ACAD11: variants seen among roughly 807,000 people sequenced by gnomAD.
ACAD11 encodes the protein acyl-Coenzyme A dehydrogenase family, member 11.
ACAD11 carries 83 observed loss-of-function variants against 102.2 expected under a neutral mutation model. The ratio of observed to expected loss-of-function variants is 0.81; its 90% CI spans 0.68 to 0.97. The LOEUF (loss-of-function observed/expected upper bound fraction) is 0.97. Among genes scored for constraint, ACAD11 ranks in the 50% least tolerant of loss-of-function variants. The pLI is 0.00. For missense variants in ACAD11, 901 were observed against 951.7 expected (o/e 0.95, Z 0.70); for synonymous variants, 324 against 319.8 (o/e 1.01, Z -0.14).
At chr3:132,611,473 C>A (rs1425768617) in intron 11 of ACAD11, among the ~76,000 whole-genome samples, 4 of 152,108 alleles carry the variant, frequency 2.6e-5, no homozygotes, top group Non-Finnish European at 5.9e-5. Context: ...ATCTAGAAAA[C>A]CCCATCGTCT....
chr3:132,561,057 G>A (rs1937038649), intron 18 of ACAD11, 44 bp downstream of exon 18: 1 of 1,467,970 alleles, frequency 6.8e-7, no homozygotes, highest in African/African-American at 1.4e-5. Context: ...GAGAACTGGA[G>A]AAGGCTCAGC....
At chr3:132,578,166 C>G (rs963993735) in intron 15 of ACAD11, among the ~76,000 whole-genome samples, 1 of 152,098 alleles carries the variant, frequency 6.6e-6, no homozygotes, top group Admixed American at 6.6e-5. Context: ...CGAGACCAGC[C>G]TGGCCAACAT....
In ACAD11 at chr3:132,579,475, CAG is replaced by C. The variant is rs1183563679; in HGVS notation, c.1688+15_1688+16del. ...CTCATTCCTACACAGGTTTCTCAAT[CAG>C]AATTGTTTAATTACCTGGAGAGAGA... On this transcript the variant is annotated intron_variant, in intron 14 of 19. Transcript: ENST00000264990. 1 of 1,604,856 alleles carries C rather than the reference CAG, an allele frequency of 6.2e-7. No individual in the cohort carries two copies. Among genetic ancestry groups the C allele is most frequent in the East Asian group, 2.2e-5 (1 of 44,642 alleles).
chr3:132,630,623 T>TG, intron 6 of ACAD11, 65 bp from the exon 7 acceptor site: 1 of 1,408,206 alleles, frequency 7.1e-7, no homozygotes, highest in Non-Finnish European at 9.7e-7. Flanking sequence ...CAAAATGTTA[T>TG]GAGACTGAGA....
At chr3:132,567,242 G>C (rs1937239455) in intron 17 of ACAD11, among the ~76,000 whole-genome samples, 1 of 152,178 alleles carries the variant, frequency 6.6e-6, no homozygotes, top group South Asian at 2.1e-4. Flanking sequence ...GCCTCCCAAA[G>C]TGTGGGATTA....
intron 17 of ACAD11, among the ~76,000 whole-genome samples, chr3:132,564,867 T>G (rs1262963108): frequency 6.6e-6 from 1 of 152,158 alleles, no homozygotes. Context: ...GGACTTCAGG[T>G]CCAAAAGAAT....
At chr3:132,624,163 C>T (rs948961491) in intron 9 of ACAD11, among the ~76,000 whole-genome samples, 2 of 151,432 alleles carry the variant, frequency 1.3e-5, no homozygotes, top group Admixed American at 6.6e-5. Flanking sequence ...AAATTTAGCC[C>T]GGTATGGTGG....
intron 13 of ACAD11, among the ~76,000 whole-genome samples, chr3:132,580,886 C>G (rs1212890159): frequency 6.6e-6 from 1 of 151,522 alleles, no homozygotes; most frequent in Non-Finnish European, 1.5e-5. Flanking sequence ...GAATGACTGG[C>G]CAAAAATGTA....
intron 5 of ACAD11, among the ~76,000 whole-genome samples, chr3:132,634,887 A>G (rs1210023810): frequency 1.6e-5 from 2 of 121,510 alleles, no homozygotes; most frequent in Non-Finnish European, 3.3e-5. Flanking sequence ...GGGGAACATC[A>G]CACACTGGGG....
At chr3:132,631,116 C>A (rs1940022479) in intron 6 of ACAD11, among the ~76,000 whole-genome samples, 1 of 151,762 alleles carries the variant, frequency 6.6e-6, no homozygotes, top group South Asian at 2.1e-4. Flanking sequence ...AAAAAACGTG[C>A]ACGTTGTGCA....
At chr3:132,647,975 C>G (rs1166638432) in intron 1 of ACAD11, among the ~76,000 whole-genome samples, 1 of 152,160 alleles carries the variant, frequency 6.6e-6, no homozygotes, top group Non-Finnish European at 1.5e-5. Flanking sequence ...TAATCCCATT[C>G]TTGAGGTCAC....
rs573465281 is a variant in ACAD11 at position 132,656,776 on chromosome 3, G to A, written c.149+2827C>T. 2.2e-4 allele frequency among the ~76,000 whole-genome samples: 33 copies of A among 152,104 alleles called. 1 individual carries two copies. The highest frequency in any genetic ancestry group is 7.7e-4 in the African/African-American group (32 of 41,506). On this transcript the variant is annotated intron_variant, in intron 1 of 19. Coordinates refer to ENST00000264990, the MANE Select transcript of ACAD11 (RefSeq NM_032169.5). Reference sequence around the variant, plus strand: ...CAAAGTGCTGGGATTACAGGCATGAGCCACTGCACCCAGTCTATTGTCAGA... The same window carrying A: ...CAAAGTGCTGGGATTACAGGCATGAACCACTGCACCCAGTCTATTGTCAGA...
Position 132,615,214 on chromosome 3 carries a change from T to C in ACAD11, c.1414+3420A>G, listed in dbSNP as rs188471041. Among the ~76,000 whole-genome samples the C allele has an allele frequency of 1.1e-3, 170 of 152,308 alleles. 1 individual carries two copies. Among genetic ancestry groups the C allele is most frequent in the Admixed American group, 4.6e-3 (70 of 15,304 alleles). On this transcript the variant is annotated intron_variant, in intron 11 of 19. Transcript: ENST00000264990. The stretch of plus-strand genomic sequence containing the variant: ...GGATGTGGAGAAATAGGAAAGCTTT[T>C]ACACTGTTGGTGGGAGTGTAAATTA...
At chr3:132,559,132 A>G in intron 19 of ACAD11, 47 bp from the exon 20 acceptor site, 1 of 1,286,918 alleles carries the variant, frequency 7.8e-7, no homozygotes, top group Non-Finnish European at 1.1e-6. Context: ...ATGGAAGAGG[A>G]ACATGATACT....
intron 15 of ACAD11, chr3:132,578,497 C>G (rs541862426): frequency 6.5e-6 from 1 of 154,312 alleles, no homozygotes; most frequent in East Asian, 1.9e-4. Flanking sequence ...TTATGAATGA[C>G]AGAGAAAAGA....
chr3:132,652,166 G>A (rs1299869291), intron 1 of ACAD11, among the ~76,000 whole-genome samples: 1 of 152,142 alleles, frequency 6.6e-6, no homozygotes, highest in Non-Finnish European at 1.5e-5. Flanking sequence ...ATTGAATAAT[G>A]GCAGTGGGTC....
At chr3:132,592,769 G>C (rs1938133306) in intron 13 of ACAD11, among the ~76,000 whole-genome samples, 1 of 152,078 alleles carries the variant, frequency 6.6e-6, no homozygotes, top group Non-Finnish European at 1.5e-5. Context: ...TCAAATTGGA[G>C]TAAGTACTAT....
intron 17 of ACAD11, among the ~76,000 whole-genome samples, chr3:132,567,886 G>A (rs768711752): frequency 6.6e-6 from 1 of 152,042 alleles, no homozygotes; most frequent in South Asian, 2.1e-4. Flanking sequence ...AAAGGAAGGA[G>A]ACAAAAAGCA....
intron 11 of ACAD11, among the ~76,000 whole-genome samples, chr3:132,608,333 T>C (rs1392387932): frequency 2.6e-5 from 4 of 152,018 alleles, no homozygotes; most frequent in South Asian, 2.1e-4. Context: ...CACTGGCAAA[T>C]TGGATAAACA....
Sources: gnomAD v4.1 joint callset for allele counts (sites outside exome capture counted in the v4.1 genomes callset) on GRCh38, gnomAD v4.1.1 for gene constraint, MANE v1.5 for transcripts, NCBI Gene and HGNC (gene_info 2026-07-23, HGNC 2026-07-21) for gene names.